The following AGK variants were observed in gnomAD, a reference collection of about 807,000 sequenced individuals.
AGK encodes the protein acylglycerol kinase, mitochondrial.
A neutral mutation model predicts 66.4 loss-of-function variants in AGK; 52 were observed. The observed-to-expected ratio is 0.78, with a 90% CI of 0.63 to 0.99. The LOEUF (loss-of-function observed/expected upper bound fraction) is 0.99. Ranked by LOEUF, AGK falls within the 50% of genes least tolerant of loss-of-function variation. AGK has a pLI of 0.00. For missense variants in AGK, 451 were observed against 506.6 expected, an observed-to-expected ratio of 0.89 and a Z score of 1.05; for synonymous variants, 182 against 181.1, an observed-to-expected ratio of 1.00 and a Z score of -0.04.
At chr7:141,569,137 T>A (rs1205693078) in intron 2 of AGK, among the ~76,000 whole-genome samples, 2 of 152,212 alleles carry the variant, frequency 1.3e-5, no homozygotes, top group Non-Finnish European at 2.9e-5. Context: ...CCTTTCAAGT[T>A]CTATGGTCAA....
chr7:141,636,908 A>G (rs1435799322), intron 10 of AGK, 52 bp from the exon 11 acceptor site: 2 of 1,441,710 alleles, frequency 1.4e-6, no homozygotes, highest in Non-Finnish European at 1.9e-6. Context: ...TATCTATCAC[A>G]TGATAGTTCT....
At chr7:141,641,421 AT>A in intron 12 of AGK, 23 bp downstream of exon 12, 1 of 1,603,246 alleles carries the variant, frequency 6.2e-7, no homozygotes, top group Non-Finnish European at 8.5e-7. Flanking sequence ...GCGACTAAAG[AT>A]TGGAGGGCCC....
intron 8 of AGK, among the ~76,000 whole-genome samples, chr7:141,620,828 A>G (rs150822968): frequency 0.012 from 1,858 of 152,332 alleles, 47 homozygotes; most frequent in African/African-American, 0.041. Flanking sequence ...AATATGCCAC[A>G]GTATTCTGTT....
intron 2 of AGK, among the ~76,000 whole-genome samples, chr7:141,561,045 G>A (rs1419118907): frequency 6.6e-6 from 1 of 152,022 alleles, no homozygotes; most frequent in African/African-American, 2.4e-5. Context: ...CGCCCGCCTC[G>A]GCCTCCCAAC....
At chr7:141,605,725 G>A (rs1796442890) in intron 5 of AGK, among the ~76,000 whole-genome samples, 1 of 152,110 alleles carries the variant, frequency 6.6e-6, no homozygotes, top group Non-Finnish European at 1.5e-5. Context: ...TGTGAATGAG[G>A]AAATTGAAGA....
At chr7:141,581,002 C>T (rs953624092) in intron 2 of AGK, among the ~76,000 whole-genome samples, 1 of 151,938 alleles carries the variant, frequency 6.6e-6, no homozygotes, top group Admixed American at 6.5e-5. Context: ...AACCAGGTAT[C>T]CAAAGGCGAA....
At chr7:141,651,190 G>T (rs777814467) in intron 14 of AGK, among the ~76,000 whole-genome samples, 1 of 152,180 alleles carries the variant, frequency 6.6e-6, no homozygotes, top group African/African-American at 2.4e-5. Context: ...TTTTCCTAAA[G>T]AATTTCATTC....
intron 8 of AGK, chr7:141,615,798 T>C: frequency 2.0e-6 from 1 of 498,894 alleles, no homozygotes; most frequent in Non-Finnish European, 3.6e-6. Flanking sequence ...CTTGATGTCC[T>C]TTTGTCAGTT....
Position 141,645,266 on chromosome 7 carries a change from T to C in AGK, c.975+3358T>C, listed in dbSNP as rs182525998. ...GTTTTCTCTGGAATATCCTGTCTTT[T>C]GCTGGATATATTCCCAGTTATCTTA... On this transcript the variant is annotated intron_variant, in intron 13 of 15. Transcript: ENST00000649286. 3.3e-5 allele frequency among the ~76,000 whole-genome samples: 5 copies of C among 152,260 alleles called. No homozygotes were observed. The East Asian group carries it at 9.6e-4, about 29-fold the overall frequency.
intron 5 of AGK, among the ~76,000 whole-genome samples, chr7:141,602,685 TTTA>T (rs1209396885): frequency 2.6e-5 from 4 of 152,054 alleles, no homozygotes; most frequent in Non-Finnish European, 5.9e-5. Flanking sequence ...CTGATCTTTT[TTTA>T]TTGTTTCATT....
intron 3 of AGK, among the ~76,000 whole-genome samples, chr7:141,595,726 A>G (rs1255214420): frequency 6.6e-6 from 1 of 152,114 alleles, no homozygotes; most frequent in East Asian, 1.9e-4. Flanking sequence ...ATCATTTCCA[A>G]TTCAGACATA....
intron 9 of AGK, among the ~76,000 whole-genome samples, chr7:141,630,280 G>GT (rs1797027304): frequency 6.6e-6 from 1 of 152,082 alleles, no homozygotes; most frequent in Non-Finnish European, 1.5e-5. Flanking sequence ...TAGGTACCTT[G>GT]TTTTTTAAAT....
rs368718308 is a variant in AGK at position 141,653,288 on chromosome 7, C to T, written c.*364C>T. ...GGCCCTTCCATTTCTCTTCTTTGAC[C>T]GTGCTAGGAATTCCAGGAAAGTGCA... On this transcript the variant is annotated 3_prime_UTR_variant, in exon 16 of 16. Coordinates refer to ENST00000649286, the MANE Select transcript of AGK (RefSeq NM_018238.4). 8 of 188,020 alleles carry T rather than the reference C, an allele frequency of 4.3e-5. No homozygotes were observed. Among genetic ancestry groups the T allele is most frequent in the East Asian group, 3.8e-4 (3 of 7,816 alleles). The allele number at this position is 188,020 out of a possible 1,614,324, so 11.6% of individuals were successfully genotyped here. A position where few individuals can be genotyped will look rare whatever the true frequency, so the allele number is the denominator to read the frequency against.
At chr7:141,616,771 T>A (rs1442355760) in intron 8 of AGK, among the ~76,000 whole-genome samples, 2 of 151,226 alleles carry the variant, frequency 1.3e-5, no homozygotes, top group Non-Finnish European at 2.9e-5. Context: ...TCTTTTTTTT[T>A]TTTTTGAGAC....
chr7:141,565,126 A>G (rs1486339743), intron 2 of AGK, among the ~76,000 whole-genome samples: 1 of 152,138 alleles, frequency 6.6e-6, no homozygotes, highest in Non-Finnish European at 1.5e-5. Flanking sequence ...CTCTTCCTGC[A>G]TGATCTAATC....
At chr7:141,588,547 T>C (rs1436986769) in intron 2 of AGK, among the ~76,000 whole-genome samples, 1 of 149,710 alleles carries the variant, frequency 6.7e-6, no homozygotes, top group Non-Finnish European at 1.5e-5. Flanking sequence ...ACCCGGGAGA[T>C]GGAAGTTTCA....
Position 141,604,374 on chromosome 7 carries a change from G to GTGTATATATA in AGK, c.297+3095_297+3096insGTATATATAT, listed in dbSNP as rs1554400830. Among the ~76,000 whole-genome samples, 313 of 113,780 alleles carry GTGTATATATA rather than the reference G, an allele frequency of 2.8e-3. 2 individuals are homozygous for GTGTATATATA. The highest frequency in any genetic ancestry group is 8.5e-3 in the African/African-American group (249 of 29,208). The allele number at this position is 113,780 out of a possible 152,430, so 74.6% of individuals were successfully genotyped here. On this transcript the variant is annotated intron_variant, in intron 5 of 15. Transcript: ENST00000649286. ...CATATGTATGAATGTGTGTGTGTGT[G>GTGTATATATA]TATATATATATATATATATATATAT...
chr7:141,635,404 A>G (rs1477957640), intron 10 of AGK, among the ~76,000 whole-genome samples: 3 of 152,226 alleles, frequency 2.0e-5, no homozygotes, highest in African/African-American at 7.2e-5. Flanking sequence ...TAACTGCCTG[A>G]GTTGAGATGA....
At chr7:141,624,347 G>A (rs1796890020) in intron 9 of AGK, among the ~76,000 whole-genome samples, 1 of 152,198 alleles carries the variant, frequency 6.6e-6, no homozygotes, top group South Asian at 2.1e-4. Context: ...AGACAGGCAT[G>A]GTGGTGTGGG....
Sources: allele counts gnomAD v4.1 joint callset (sites outside exome capture counted in the v4.1 genomes callset), GRCh38; gene constraint gnomAD v4.1.1; transcripts MANE v1.5; gene names NCBI Gene and HGNC (gene_info 2026-07-23, HGNC 2026-07-21).